UTP18: variants seen among roughly 807,000 people sequenced by gnomAD.
UTP18 encodes the protein UTP18 small subunit processome component.
UTP18 carries 36 observed loss-of-function variants against 61.1 expected under a neutral mutation model. The ratio of observed to expected loss-of-function variants is 0.59; its 90% confidence interval spans 0.45 to 0.78. UTP18 has a LOEUF of 0.78. Ranked by LOEUF, UTP18 falls within the 30% of genes least tolerant of loss-of-function variation. UTP18 has a pLI of 0.00. For missense variants in UTP18, 753 were observed against 693.9 expected, an observed-to-expected ratio of 1.09 and a Z score of -0.96; for synonymous variants, 282 against 251.1, an observed-to-expected ratio of 1.12 and a Z score of -1.16.
chr17:51,266,296 CAT>C lies in UTP18; in HGVS notation c.554+19_554+20del. On this transcript the variant is annotated intron_variant, in intron 3 of 13. Transcript: ENST00000225298. ...TTAAAGAAGAGTAAGTGTCTTTTTT[CAT>C]ATGATTTACCAAGAGGTGTATGTAA... is the stretch of plus-strand genomic sequence containing the variant. 1 of 1,558,976 alleles carries C rather than the reference CAT, an allele frequency of 6.4e-7. No individual in the cohort carries two copies. Among genetic ancestry groups the C allele is most frequent in the Non-Finnish European group, 8.7e-7 (1 of 1,152,402 alleles).
intron 11 of UTP18, chr17:51,288,559 TAACAG>T (rs1905170526): frequency 8.7e-6 from 4 of 458,496 alleles, no homozygotes; most frequent in Non-Finnish European, 1.7e-5. Flanking sequence ...CCTGTTGTCT[TAACAG>T]AACGGAGGCA....
At chr17:51,268,943 C>CCCTGTT in intron 4 of UTP18, 39 bp downstream of exon 4, 1 of 1,579,326 alleles carries the variant, frequency 6.3e-7, no homozygotes, top group Non-Finnish European at 8.7e-7. Context: ...GTACATAAGT[C>CCCTGTT]CCTGTTCCTG....
chr17:51,277,330 A>ACCAGTCATTCCCC lies in UTP18; in HGVS notation c.1012+30_1012+42dup, dbSNP rs561561283. ...GTAAGATTTCTGTTGAATGCACACA[A>ACCAGTCATTCCCC]CCAGTCATTCCCCCCAAGGTGAGTT... is the stretch of plus-strand genomic sequence containing the variant. On this transcript the variant is annotated intron_variant, in intron 7 of 13. Transcript: ENST00000225298. The ACCAGTCATTCCCC allele has an allele frequency of 9.1e-5, 147 of 1,610,374 alleles. No homozygotes were observed. In the African/African-American group the frequency reaches 1.8e-3, roughly 19 times the overall value.
At chr17:51,273,228 T>A in intron 4 of UTP18, 134 bp from the exon 5 acceptor site, 1 of 528,556 alleles carries the variant, frequency 1.9e-6, no homozygotes, top group Non-Finnish European at 3.1e-6. Flanking sequence ...CAGTTGCAGC[T>A]TTAAAAAAAG....
intron 2 of UTP18, among the ~76,000 whole-genome samples, chr17:51,264,066 T>C (rs971381738): frequency 1.3e-5 from 2 of 151,982 alleles, no homozygotes; most frequent in African/African-American, 4.8e-5. Flanking sequence ...AAACAGAGTC[T>C]TGCTGTTTCA....
chr17:51,264,225 CAG>C (rs1373398861), intron 2 of UTP18, among the ~76,000 whole-genome samples: 2 of 151,840 alleles, frequency 1.3e-5, no homozygotes, highest in Non-Finnish European at 2.9e-5. Flanking sequence ...TTAGTAGAGA[CAG>C]AGTTAGACGG....
chr17:51,290,997 G>T (rs1905223578), intron 11 of UTP18, among the ~76,000 whole-genome samples: 1 of 152,168 alleles, frequency 6.6e-6, no homozygotes, highest in Non-Finnish European at 1.5e-5. Context: ...GACAATTTTG[G>T]ATATAGTAGA....
intron 5 of UTP18, among the ~76,000 whole-genome samples, 159 bp from the exon 6 acceptor site, chr17:51,275,707 T>TTTTTTTG (rs1904697333): frequency 1.3e-5 from 2 of 151,932 alleles, no homozygotes; most frequent in Admixed American, 6.6e-5. Flanking sequence ...AGAGCTGCGG[T>TTTTTTTG]TTTTTTGTTT....
At chr17:51,272,239 C>G (rs1567700488) in intron 4 of UTP18, among the ~76,000 whole-genome samples, 1 of 152,104 alleles carries the variant, frequency 6.6e-6, no homozygotes, top group Non-Finnish European at 1.5e-5. Flanking sequence ...GCTGGGATTA[C>G]AGACATAAGC....
intron 12 of UTP18, among the ~76,000 whole-genome samples, chr17:51,295,202 A>C (rs1905336233): frequency 1.3e-5 from 2 of 152,008 alleles, no homozygotes; most frequent in South Asian, 2.1e-4. Flanking sequence ...TCTTTAGTTT[A>C]ATTAGATCCC....
intron 9 of UTP18, among the ~76,000 whole-genome samples, chr17:51,282,402 A>G (rs1400091275): frequency 1.3e-5 from 2 of 152,162 alleles, no homozygotes; most frequent in South Asian, 2.1e-4. Flanking sequence ...CAATGCATAT[A>G]AGGCCAGGAG....
At position 51,260,927 on chromosome 17, in the gene UTP18, G is replaced by A. The variant is rs2055446040; in HGVS notation, c.342+1G>A. ...GCTGCGGCGTCTGCGAGGCCCGAGG[G>A]TGAGGGAGGCCGCGGCGCGCGGGCT... On this transcript the variant is annotated splice_donor_variant, in intron 1 of 13. Transcript: ENST00000225298. LOFTEE classifies it high-confidence loss of function. The A allele has an allele frequency of 3.9e-6, 6 of 1,554,122 alleles. No homozygotes were observed. Among genetic ancestry groups the A allele is most frequent in the Non-Finnish European group, 5.2e-6 (6 of 1,154,372 alleles).
chr17:51,271,949 T>C (rs1047681495), intron 4 of UTP18, among the ~76,000 whole-genome samples: 26 of 152,200 alleles, frequency 1.7e-4, no homozygotes, highest in South Asian at 1.0e-3. Flanking sequence ...ATTACAGATA[T>C]GAGCCACCAT....
At chr17:51,261,406 T>C (rs557446916) in intron 1 of UTP18, among the ~76,000 whole-genome samples, 1 of 152,362 alleles carries the variant, frequency 6.6e-6, no homozygotes, top group South Asian at 2.1e-4. Context: ...ATTCCGTTCA[T>C]TTAGCAAATA....
intron 4 of UTP18, among the ~76,000 whole-genome samples, chr17:51,269,920 ATC>A (rs927038914): frequency 6.6e-6 from 1 of 151,592 alleles, no homozygotes; most frequent in African/African-American, 2.4e-5. Context: ...CAGTGGGGCA[ATC>A]TCAGCTCACT....
chr17:51,272,817 A>G (rs1904572928), intron 4 of UTP18, among the ~76,000 whole-genome samples: 1 of 152,160 alleles, frequency 6.6e-6, no homozygotes, highest in African/African-American at 2.4e-5. Context: ...TTAGCTCCGC[A>G]AGTGTTTTAA....
intron 4 of UTP18, among the ~76,000 whole-genome samples, chr17:51,272,660 T>G (rs1181666417): frequency 2.0e-5 from 3 of 152,204 alleles, no homozygotes; most frequent in Non-Finnish European, 2.9e-5. Context: ...AATGAGGAAT[T>G]GTGAAGCAGA....
In UTP18 at chr17:51,263,342, A is replaced by G. The variant is rs1568263229; in HGVS notation, c.411A>G (p.Gln137=). The G allele has an allele frequency of 6.2e-7, 1 of 1,614,236 alleles. No homozygotes were observed. Among genetic ancestry groups the G allele is most frequent in the Non-Finnish European group, 8.5e-7 (1 of 1,180,024 alleles). ...ENEAKGNFPP[Q]KKPVWVDEED... Reference sequence around the variant, plus strand: ...AAGCAAAAGGTAATTTTCCACCTCAAAAGAAGCCAGTTTGGGTGGATGAAG... The same window carrying G: ...AAGCAAAAGGTAATTTTCCACCTCAGAAGAAGCCAGTTTGGGTGGATGAAG... The change falls in exon 2 of 14, where the codon CAA becomes CAG. Residue 137 remains glutamine, a synonymous_variant. Transcript: ENST00000225298.
intron 2 of UTP18, among the ~76,000 whole-genome samples, chr17:51,263,593 C>T (rs2055530212): frequency 6.6e-6 from 1 of 152,180 alleles, no homozygotes; most frequent in Non-Finnish European, 1.5e-5. Context: ...TCTCAGTCTC[C>T]TCTTTGCTGT....
Sources: gnomAD v4.1 joint callset for allele counts (sites outside exome capture counted in the v4.1 genomes callset) on GRCh38, gnomAD v4.1.1 for gene constraint, MANE v1.5 for transcripts, NCBI Gene and HGNC (gene_info 2026-07-23, HGNC 2026-07-21) for gene names.